PCDHGC4: variants seen among roughly 807,000 people sequenced by gnomAD.
PCDHGC4 encodes the protein protocadherin gamma-C4.
In PCDHGC4, 15 loss-of-function variants were observed where a neutral mutation model predicts 59.7. The observed-to-expected ratio is 0.25, with a 90% CI of 0.17 to 0.39. PCDHGC4 has a LOEUF of 0.39. Ranked by LOEUF, PCDHGC4 falls within the 10% of genes least tolerant of loss-of-function variation. The pLI is 1.00. For missense variants in PCDHGC4, 1,016 were observed against 1,189.5 expected (o/e 0.85, Z 2.15); for synonymous variants, 434 against 481.4 (o/e 0.90, Z 1.29).
intron 2 of PCDHGC4, among the ~76,000 whole-genome samples, chr5:141,502,866 C>CTCTTTTTTT (rs1554188502): frequency 7.8e-6 from 1 of 128,046 alleles, no homozygotes; most frequent in African/African-American, 3.1e-5. Context: ...GACTCTCTGT[C>CTCTTTTTTT]TTTTTTTTTT....
chr5:141,487,258 G>A lies in PCDHGC4; in HGVS notation c.2085G>A (p.Val695=), dbSNP rs368598017. The A allele has an allele frequency of 3.7e-6, 6 of 1,614,026 alleles. No homozygotes were observed. Among genetic ancestry groups the A allele is most frequent in the Non-Finnish European group, 4.2e-6 (5 of 1,180,030 alleles). The change falls in exon 1 of 4, where the codon GTG becomes GTA. Residue 695 remains valine, a synonymous_variant. Transcript: ENST00000306593. The surrounding 1 kb of genome is among the most constrained non-coding windows in gnomAD (Gnocchi z 5.0). ...CTCGTCTAACCCTCTACTTGGCTGT[G>A]TCCCTAGTGGCAATTTGCTTTGTCT... The part of the protein sequence containing the change: ...GESRLTLYLA[V]SLVAICFVSF...
At position 141,511,246 on chromosome 5, in the gene PCDHGC4, G is replaced by A; in HGVS notation, c.*73G>A. 2 of 1,578,734 alleles carry A rather than the reference G, an allele frequency of 1.3e-6. No homozygotes were observed. Among genetic ancestry groups the A allele is most frequent in the Non-Finnish European group, 1.7e-6 (2 of 1,162,472 alleles). On this transcript the variant is annotated 3_prime_UTR_variant, in exon 4 of 4. Coordinates refer to ENST00000306593, the MANE Select transcript of PCDHGC4 (RefSeq NM_018928.3). The stretch of plus-strand genomic sequence containing the variant: ...CCAGCTTCTCCTTACCTGCACCCAG[G>A]CCTCAGAGTTTCAGGGCTAACCCCC...
chr5:141,489,571 G>A lies in PCDHGC4; in HGVS notation c.2442+1956G>A, dbSNP rs1206848223. The A allele has an allele frequency of 1.9e-6, 3 of 1,613,884 alleles. No individual in the cohort carries two copies. The highest frequency in any genetic ancestry group is 2.2e-5 in the South Asian group (2 of 91,070). On this transcript the variant is annotated intron_variant, in intron 1 of 3. Transcript: ENST00000306593. The surrounding 1 kb of genome is among the most constrained non-coding windows in gnomAD (Gnocchi z 4.5). ...CCTGCTGCCAGTGCAGGTGGTGACT[G>A]AACACCCCCTGGAGCTAATCCGTGT...
At chr5:141,502,724 C>T (rs1288841230) in intron 2 of PCDHGC4, among the ~76,000 whole-genome samples, 2 of 152,134 alleles carry the variant, frequency 1.3e-5, no homozygotes, top group African/African-American at 4.8e-5. Context: ...GATTACAAAG[C>T]GGTGATGTTC....
rs748605515 is a variant in PCDHGC4 at position 141,486,688 on chromosome 5, C to T, written c.1515C>T (p.Ser505=). ...CCAGGAATCGAGATGTATCAGCTTC[C>T]TCTTTCATCTCTCTGAACCCCCAGA... ...LEPRNRDVSA[S]SFISLNPQTG... is the part of the protein sequence containing the mutation. Residue 505 remains serine, a synonymous_variant, in exon 1 of 4, where the codon TCC becomes TCT. Transcript: ENST00000306593. The surrounding 1 kb of genome is among the most constrained non-coding windows in gnomAD (Gnocchi z 5.0). 2 of 1,614,170 alleles carry T rather than the reference C, an allele frequency of 1.2e-6. No individual in the cohort carries two copies. The highest frequency in any genetic ancestry group is 1.1e-5 in the South Asian group (1 of 91,086).
In PCDHGC4 at chr5:141,485,234, T is replaced by A. The variant is rs780126313; in HGVS notation, c.61T>A (p.Phe21Ile). 1 of 1,614,124 alleles carries A rather than the reference T, an allele frequency of 6.2e-7. No homozygotes were observed. The highest frequency in any genetic ancestry group is 1.1e-5 in the South Asian group (1 of 91,080). Residue 21 changes from phenylalanine to isoleucine, a missense_variant, in exon 1 of 4, where the codon TTT becomes ATT. Physicochemically the swap from Phe to Ile is conservative, Grantham distance 21. Transcript: ENST00000306593. This position sits in a 1 kb window ranked among gnomAD's most constrained non-coding sequence, Gnocchi z 5.7. ...IWRWATLLFL[F>I]YHLGYVCGQI... ...GCGGTGGGCTACCCTTTTGTTCCTC[T>A]TTTACCACCTGGGTTACGTTTGTGG...
chr5:141,511,733 T>C lies in PCDHGC4; in HGVS notation c.*560T>C, dbSNP rs1032711521. 9 of 177,040 alleles carry C rather than the reference T, an allele frequency of 5.1e-5. No individual in the cohort carries two copies. The highest frequency in any genetic ancestry group is 8.7e-5 in the Non-Finnish European group (7 of 80,868). The allele number at this position is 177,040 out of a possible 1,614,324, so 11.0% of individuals were successfully genotyped here. ...TCCTTCCAGAGCCCAAGATCAATGC[T>C]CAAGTTTTGGAGGACATGATCACCA... On this transcript the variant is annotated 3_prime_UTR_variant, in exon 4 of 4. Transcript: ENST00000306593.
rs1364415249 is a variant in PCDHGC4 at position 141,489,240 on chromosome 5, C to A, written c.2442+1625C>A. The stretch of plus-strand genomic sequence containing the variant: ...ACTCTCCACAAAGGGACTTCTGGGT[C>A]ATGGGGCCCAAGACACTCCCACAGC... On this transcript the variant is annotated intron_variant, in intron 1 of 3. Coordinates refer to ENST00000306593, the MANE Select transcript of PCDHGC4 (RefSeq NM_018928.3). The surrounding 1 kb of genome is among the most constrained non-coding windows in gnomAD (Gnocchi z 4.5). 1 of 1,534,136 alleles carries A rather than the reference C, an allele frequency of 6.5e-7. No individual in the cohort carries two copies. Among genetic ancestry groups the A allele is most frequent in the South Asian group, 1.3e-5 (1 of 76,896 alleles).
rs1214425261 is a variant in PCDHGC4 at position 141,485,865 on chromosome 5, C to G, written c.692C>G (p.Ser231Cys). Residue 231 changes from serine (S) to cysteine (C), a missense_variant, in exon 1 of 4, where the codon TCC (serine) becomes TGC (cysteine). Physicochemically the swap from Ser to Cys is moderately radical, Grantham distance 112. Coordinates refer to ENST00000306593, the MANE Select transcript of PCDHGC4 (RefSeq NM_018928.3). This position sits in a 1 kb window ranked among gnomAD's most constrained non-coding sequence, Gnocchi z 5.7. The stretch of plus-strand genomic sequence containing the variant: ...TCTGGCACCGCAGAGCTCCGGGTAT[C>G]CGTGCTGGACGTAAACGACAACGCC... ...PRSGTAELRV[S>C]VLDVNDNAPA... The G allele has an allele frequency of 1.2e-6, 2 of 1,614,182 alleles. No individual in the cohort carries two copies.
rs894528472 is a variant in PCDHGC4 at position 141,489,718 on chromosome 5, C to A, written c.2442+2103C>A. 6.2e-7 allele frequency: 1 copy of A among 1,614,038 alleles called. No individual in the cohort carries two copies. Among genetic ancestry groups the A allele is most frequent in the African/African-American group, 1.3e-5 (1 of 74,934 alleles). ...ATTCCCACTGGACAGTGCCCAGGATCCGGATGTGGGCACCAATACTGTGAG... is the reference window on the plus strand; with the variant it reads ...ATTCCCACTGGACAGTGCCCAGGATACGGATGTGGGCACCAATACTGTGAG... On this transcript the variant is annotated intron_variant, in intron 1 of 3. Coordinates refer to ENST00000306593, the MANE Select transcript of PCDHGC4 (RefSeq NM_018928.3). This position sits in a 1 kb window ranked among gnomAD's most constrained non-coding sequence, Gnocchi z 4.5.
chr5:141,500,460 C>T (rs1421637554), intron 2 of PCDHGC4, among the ~76,000 whole-genome samples: 2 of 152,234 alleles, frequency 1.3e-5, no homozygotes, highest in South Asian at 2.1e-4. Context: ...CCGCCCGCCT[C>T]GGCCTCCCAA....
In PCDHGC4 at chr5:141,511,502, A is replaced by G. The variant is rs953158220; in HGVS notation, c.*329A>G. ...CTGAACTCCTCCATCTTCCAAATCAATCAGGCCCATCCATCCCATGCCTCC... is the reference window on the plus strand; with the variant it reads ...CTGAACTCCTCCATCTTCCAAATCAGTCAGGCCCATCCATCCCATGCCTCC... On this transcript the variant is annotated 3_prime_UTR_variant, in exon 4 of 4. Transcript: ENST00000306593. The G allele has an allele frequency of 1.3e-5, 5 of 395,150 alleles. No homozygotes were observed. Among genetic ancestry groups the G allele is most frequent in the African/African-American group, 1.0e-4 (5 of 48,770 alleles). The allele number at this position is 395,150 out of a possible 1,614,324, so 24.5% of individuals were successfully genotyped here.
chr5:141,495,412 G>A lies in PCDHGC4; in HGVS notation c.2501+547G>A, dbSNP rs188302135. 2.2e-4 allele frequency among the ~76,000 whole-genome samples: 33 copies of A among 152,284 alleles called. No homozygotes were observed. The East Asian group carries it at 6.4e-3, about 29-fold the overall frequency. ...GGCATGGAGCAGGCCCCCTTCTCCG[G>A]CCCCTCCTCCCACTGTCCTCTGCCC... On this transcript the variant is annotated intron_variant, in intron 2 of 3. Coordinates refer to ENST00000306593, the MANE Select transcript of PCDHGC4 (RefSeq NM_018928.3).
Position 141,487,297 on chromosome 5 carries a change from C to T in PCDHGC4, c.2124C>T (p.Phe708=), listed in dbSNP as rs770262058. ...VAICFVSFGS[F]VALLSKCLRG... is the part of the protein sequence containing the mutation. ...TTTGCTTTGTCTCCTTTGGCTCATT[C>T]GTGGCACTACTCTCTAAGTGTCTTC... The change falls in exon 1 of 4, where the codon TTC becomes TTT. Residue 708 remains phenylalanine, a synonymous_variant. Coordinates refer to ENST00000306593, the MANE Select transcript of PCDHGC4 (RefSeq NM_018928.3). This position sits in a 1 kb window ranked among gnomAD's most constrained non-coding sequence, Gnocchi z 5.0. The T allele has an allele frequency of 3.2e-5, 52 of 1,613,984 alleles. No homozygotes were observed. The highest frequency in any genetic ancestry group is 4.0e-5 in the African/African-American group (3 of 74,912).
chr5:141,507,495 G>A (rs375483743), intron 3 of PCDHGC4, among the ~76,000 whole-genome samples: 5 of 152,352 alleles, frequency 3.3e-5, no homozygotes, highest in East Asian at 3.9e-4. Flanking sequence ...AGGCAGAGCT[G>A]TCCCAGGTCT....
chr5:141,485,358 G>T lies in PCDHGC4; in HGVS notation c.185G>T (p.Arg62Leu). 1.2e-6 allele frequency: 2 copies of T among 1,614,100 alleles called. No individual in the cohort carries two copies. Among genetic ancestry groups the T allele is most frequent in the Non-Finnish European group, 1.7e-6 (2 of 1,180,006 alleles). The change falls in exon 1 of 4, where the codon CGC becomes CTC. Residue 62 changes from arginine to leucine, a missense_variant. Coordinates refer to ENST00000306593, the MANE Select transcript of PCDHGC4 (RefSeq NM_018928.3). This position sits in a 1 kb window ranked among gnomAD's most constrained non-coding sequence, Gnocchi z 5.7. Reference protein sequence around the residue: ...FLLDTDSLSARRLQVAGEVNQ... With the variant: ...FLLDTDSLSALRLQVAGEVNQ... ...CTGGATACGGACAGTCTGTCAGCTC[G>T]CAGGCTGCAGGTCGCTGGAGAGGTG...
At chr5:141,494,972 C>G in intron 2 of PCDHGC4, 107 bp downstream of exon 2, 1 of 1,581,852 alleles carries the variant, frequency 6.3e-7, no homozygotes, top group Non-Finnish European at 8.6e-7. Context: ...TGGCTTCTCC[C>G]TCAGTTTGAG....
Position 141,502,485 on chromosome 5 carries a change from G to A in PCDHGC4, c.2502-2908G>A, listed in dbSNP as rs187600890. ...AATACTTCCCGCAGCATCACACTGG[G>A]ACTCATCTAACGTCGGCCTGTCCCA... On this transcript the variant is annotated intron_variant, in intron 2 of 3. Coordinates refer to ENST00000306593, the MANE Select transcript of PCDHGC4 (RefSeq NM_018928.3). 8.4e-3 allele frequency among the ~76,000 whole-genome samples: 1,276 copies of A among 152,270 alleles called. 22 individuals carry two copies. Among genetic ancestry groups the A allele is most frequent in the African/African-American group, 0.028 (1,151 of 41,542 alleles).
intron 3 of PCDHGC4, 73 bp from the exon 4 acceptor site, chr5:141,510,874 G>C: frequency 6.2e-7 from 1 of 1,610,126 alleles, no homozygotes; most frequent in Non-Finnish European, 8.5e-7. Context: ...TTCATTAACT[G>C]CTGGGGATAT....
Sources: gnomAD v4.1 joint callset for allele counts (sites outside exome capture counted in the v4.1 genomes callset) on GRCh38, gnomAD v4.1.1 for gene constraint, Gnocchi (gnomAD v3.1) non-coding constraint, MANE v1.5 for transcripts, NCBI Gene and HGNC (gene_info 2026-07-23, HGNC 2026-07-21) for gene names.